The following PDE4D variants were observed in gnomAD, a reference collection of about 807,000 sequenced individuals.
PDE4D encodes phosphodiesterase 4D.
PDE4D carries 24 observed loss-of-function variants against 87.4 expected under a neutral mutation model. The observed-to-expected ratio is 0.27, with a 90% CI of 0.20 to 0.39. The LOEUF is 0.39. Ranked by LOEUF, PDE4D falls within the 10% of genes least tolerant of loss-of-function variation. The pLI, the probability that PDE4D is intolerant of heterozygous loss-of-function variation, is 1.00. For synonymous variants in PDE4D, 384 were observed against 383.2 expected, an observed-to-expected ratio of 1.00 and a Z score of -0.02; for missense variants, 714 against 1,041.0, an observed-to-expected ratio of 0.69 and a Z score of 4.32.
chr5:59,166,629 T>A (rs1230913532), intron 5 of PDE4D, among the ~76,000 whole-genome samples: 1 of 152,242 alleles, frequency 6.6e-6, no homozygotes, highest in East Asian at 1.9e-4. Flanking sequence ...GTCTTGGAAT[T>A]GCCTTAAAAG....
chr5:60,467,769 G>A (rs577148696), intron 1 of PDE4D, among the ~76,000 whole-genome samples: 30 of 152,280 alleles, frequency 2.0e-4, no homozygotes, highest in African/African-American at 7.0e-4. Flanking sequence ...TGATTGTGAT[G>A]GAAGGTGAAG....
chr5:59,385,987 T>C (rs1211966870), intron 1 of PDE4D, among the ~76,000 whole-genome samples: 2 of 152,192 alleles, frequency 1.3e-5, no homozygotes, highest in African/African-American at 4.8e-5. Flanking sequence ...TCTGAGAACA[T>C]TTCTCTAGAA....
intron 1 of PDE4D, among the ~76,000 whole-genome samples, chr5:60,400,996 T>C (rs1176045513): frequency 6.6e-6 from 1 of 152,194 alleles, no homozygotes; most frequent in Non-Finnish European, 1.5e-5. Context: ...AAAGGCCATC[T>C]AAGCTATTTT....
chr5:59,309,668 C>T (rs548121968), intron 1 of PDE4D, among the ~76,000 whole-genome samples: 10 of 152,248 alleles, frequency 6.6e-5, no homozygotes, highest in African/African-American at 2.4e-4. Context: ...TGGGTCCTCT[C>T]AAGGTTGCTG....
At chr5:59,896,865 A>G (rs1156370374), upstream of PDE4D, among the ~76,000 whole-genome samples, 1 of 151,940 alleles carries the variant, frequency 6.6e-6, no homozygotes, top group African/African-American at 2.4e-5. Flanking sequence ...CCATTTAAAA[A>G]CTCTTCTCAT....
intron 1 of PDE4D, among the ~76,000 whole-genome samples, chr5:60,230,572 G>C (rs940153155): frequency 6.6e-6 from 1 of 152,080 alleles, no homozygotes; most frequent in Non-Finnish European, 1.5e-5. Flanking sequence ...GTGGACTACT[G>C]ATTTTAACTG....
At chr5:59,394,008 T>C (rs999147553) in intron 1 of PDE4D, among the ~76,000 whole-genome samples, 2 of 152,246 alleles carry the variant, frequency 1.3e-5, no homozygotes, top group Non-Finnish European at 2.9e-5. Flanking sequence ...CTGTGGGGCC[T>C]AATGTTTCAG....
intron 1 of PDE4D, among the ~76,000 whole-genome samples, chr5:59,506,289 T>G (rs1212548547): frequency 6.6e-6 from 1 of 152,188 alleles, no homozygotes; most frequent in Non-Finnish European, 1.5e-5. Flanking sequence ...AGATTTCCCA[T>G]ATGTAACATA....
intron 1 of PDE4D, among the ~76,000 whole-genome samples, chr5:59,686,747 G>C (rs1749934262): frequency 6.6e-6 from 1 of 152,124 alleles, no homozygotes; most frequent in African/African-American, 2.4e-5. Context: ...TCCTACAGAT[G>C]ACTATGTACC....
chr5:59,467,109 G>A (rs1334966344), intron 1 of PDE4D, among the ~76,000 whole-genome samples: 3 of 152,136 alleles, frequency 2.0e-5, no homozygotes, highest in African/African-American at 7.2e-5. Flanking sequence ...TCTACAAGCT[G>A]AGGAGAGAGG....
intron 1 of PDE4D, among the ~76,000 whole-genome samples, chr5:59,665,163 C>T (rs995576749): frequency 7.9e-5 from 12 of 152,316 alleles, no homozygotes; most frequent in Middle Eastern, 3.4e-3. Flanking sequence ...CAATTTGCCA[C>T]AGCAGAAACT....
chr5:59,918,037 A>G (rs975785344), intron 3 of PDE4D, among the ~76,000 whole-genome samples: 1 of 152,060 alleles, frequency 6.6e-6, no homozygotes, highest in African/African-American at 2.4e-5. Context: ...TACTATACAC[A>G]ATCAATTACA....
At chr5:59,596,670 T>C (rs1458165156) in intron 1 of PDE4D, among the ~76,000 whole-genome samples, 3 of 152,158 alleles carry the variant, frequency 2.0e-5, no homozygotes, top group Non-Finnish European at 2.9e-5. Context: ...TGATTACTTA[T>C]GTCTGCCTAT....
intron 1 of PDE4D, among the ~76,000 whole-genome samples, chr5:59,345,080 C>T (rs543812024): frequency 2.0e-5 from 3 of 151,890 alleles, no homozygotes; most frequent in African/African-American, 7.2e-5. Context: ...ATTAAAAAGA[C>T]ATAATGACTA....
At chr5:59,932,256 A>G (rs1192608045) in intron 3 of PDE4D, among the ~76,000 whole-genome samples, 1 of 152,216 alleles carries the variant, frequency 6.6e-6, no homozygotes, top group Non-Finnish European at 1.5e-5. Flanking sequence ...CAGATAATGT[A>G]TTGAGCACTG....
At chr5:59,120,366 G>C (rs553200926) in intron 5 of PDE4D, among the ~76,000 whole-genome samples, 3 of 152,148 alleles carry the variant, frequency 2.0e-5, no homozygotes, top group East Asian at 1.9e-4. Flanking sequence ...ACTTCACTAA[G>C]AGGAGGTCAG....
intron 1 of PDE4D, among the ~76,000 whole-genome samples, chr5:59,516,985 G>A (rs937795559): frequency 4.6e-5 from 7 of 151,758 alleles, no homozygotes; most frequent in African/African-American, 1.5e-4. Flanking sequence ...AGTCATTTAA[G>A]GTTAAAATAC....
chr5:59,732,623 C>T (rs1198704616), intron 1 of PDE4D, among the ~76,000 whole-genome samples: 6 of 152,086 alleles, frequency 3.9e-5, no homozygotes, highest in East Asian at 3.9e-4. Flanking sequence ...GTCCCCTGAC[C>T]GGCCCTTTTC....
At chr5:59,426,390 C>G (rs1435943395) in intron 1 of PDE4D, among the ~76,000 whole-genome samples, 1 of 152,196 alleles carries the variant, frequency 6.6e-6, no homozygotes, top group Non-Finnish European at 1.5e-5. Context: ...TTCACTCACA[C>G]TTACTGTATT....
Sources: gnomAD v4.1 joint callset for allele counts (sites outside exome capture counted in the v4.1 genomes callset) on GRCh38, gnomAD v4.1.1 for gene constraint, MANE v1.5 for transcripts, NCBI Gene and HGNC (gene_info 2026-07-23, HGNC 2026-07-21) for gene names.